The following TRIM28 variants were observed in gnomAD, a reference collection of about 807,000 sequenced individuals.
The protein encoded by TRIM28 is tripartite motif containing 28.
Under a neutral mutation model 87.4 loss-of-function variants are expected in TRIM28, and 8 were observed. The ratio of observed to expected loss-of-function variants is 0.09; its 90% CI spans 0.05 to 0.17. TRIM28 has a LOEUF of 0.17. Ranked by LOEUF, TRIM28 falls within the 10% of genes least tolerant of loss-of-function variation. The probability of loss-of-function intolerance (pLI) is 1.00; values close to 1 mark genes in which losing one functional copy is unlikely to be tolerated. For synonymous variants in TRIM28, 601 were observed against 454.3 expected, an observed-to-expected ratio of 1.32 and a Z score of -4.11; for missense variants, 968 against 1,131.8, an observed-to-expected ratio of 0.86 and a Z score of 2.08.
intron 1 of TRIM28, 97 bp from the exon 2 acceptor site, chr19:58,545,328 C>A: frequency 9.5e-7 from 1 of 1,055,038 alleles, no homozygotes; most frequent in Non-Finnish European, 1.4e-6. Flanking sequence ...TGGTTCGCTG[C>A]GGGATAATGG....
At chr19:58,550,317 G>A (rs777428708) in intron 16 of TRIM28, 33 bp downstream of exon 16, 2 of 1,613,640 alleles carry the variant, frequency 1.2e-6, no homozygotes, top group East Asian at 2.2e-5. Context: ...CTGTGGGCAG[G>A]GGGAGATGTG....
At chr19:58,545,210 A>C (rs929492093) in intron 1 of TRIM28, 113 bp downstream of exon 1, 14 of 1,050,056 alleles carry the variant, frequency 1.3e-5, no homozygotes, top group Non-Finnish European at 1.9e-5. Flanking sequence ...CGGACAGGGC[A>C]CGGGAAATAC....
chr19:58,549,627 G>C lies in TRIM28; in HGVS notation c.1959G>C (p.Leu653=), dbSNP rs1600083685. 8.1e-6 allele frequency: 13 copies of C among 1,613,078 alleles called. No homozygotes were observed. The highest frequency in any genetic ancestry group is 1.0e-5 in the Non-Finnish European group (12 of 1,179,208). The change falls in exon 13 of 17, where the codon CTG becomes CTC. Residue 653 remains leucine, a synonymous_variant. Coordinates refer to ENST00000253024, the MANE Select transcript of TRIM28 (RefSeq NM_005762.3). The surrounding 1 kb of genome is among the most constrained non-coding windows in gnomAD (Gnocchi z 4.4). ...TTTGTTTCCACCTGGACTGTCACCT[G>C]CCGGCCCTGCAGGATGTACCAGGGT... ...CEFCFHLDCH[L]PALQDVPGEE... is the part of the protein sequence containing the mutation.
In TRIM28 at chr19:58,547,801, G is replaced by C. The variant is rs543150564; in HGVS notation, c.849G>C (p.Gln283His). ...CTGCTGTGTCCCCTAGAATCCGCCAGGTGTCTGACGTACAGAAGCGTGTGC... is the reference window on the plus strand; with the variant it reads ...CTGCTGTGTCCCCTAGAATCCGCCACGTGTCTGACGTACAGAAGCGTGTGC... ...STKEVRSSIR[Q>H]VSDVQKRVQV... The change falls in exon 6 of 17, where the codon CAG (glutamine) becomes CAC (histidine). Residue 283 changes from glutamine to histidine, a missense_variant. Coordinates refer to ENST00000253024, the MANE Select transcript of TRIM28 (RefSeq NM_005762.3). 1.9e-6 allele frequency: 3 copies of C among 1,614,154 alleles called. No homozygotes were observed. The highest frequency in any genetic ancestry group is 1.7e-6 in the Non-Finnish European group (2 of 1,180,034).
chr19:58,547,407 T>C lies in TRIM28; in HGVS notation c.618T>C (p.Thr206=), dbSNP rs527654129. 1 of 1,614,050 alleles carries C rather than the reference T, an allele frequency of 6.2e-7. No individual in the cohort carries two copies. Among genetic ancestry groups the C allele is most frequent in the South Asian group, 1.1e-5 (1 of 91,078 alleles). ...GPAKSRDGER[T]VYCNVHKHEP... ...CCAAGTCTCGGGATGGTGAACGTACTGTCTATTGCAACGTACACAAGCATG... is the reference window on the plus strand; with the variant it reads ...CCAAGTCTCGGGATGGTGAACGTACCGTCTATTGCAACGTACACAAGCATG... Residue 206 remains threonine (T), a synonymous_variant, in exon 4 of 17, where the codon ACT becomes ACC. Transcript: ENST00000253024.
chr19:58,548,162 T>C lies in TRIM28; in HGVS notation c.1083T>C (p.Leu361=), dbSNP rs1600082046. 1 of 1,614,128 alleles carries C rather than the reference T, an allele frequency of 6.2e-7. No homozygotes were observed. The highest frequency in any genetic ancestry group is 1.1e-5 in the South Asian group (1 of 91,080). The part of the protein sequence containing the change: ...WALESDNNTA[L]LLSKKLIYFQ... ...TGGAGAGTGACAACAACACAGCCCTTTTGCTTTCTAAGAAGTTGGTGTGTA... is the reference window on the plus strand; with the variant it reads ...TGGAGAGTGACAACAACACAGCCCTCTTGCTTTCTAAGAAGTTGGTGTGTA... The change falls in exon 7 of 17, where the codon CTT becomes CTC. Residue 361 remains leucine, a synonymous_variant. Coordinates refer to ENST00000253024, the MANE Select transcript of TRIM28 (RefSeq NM_005762.3).
rs2053746515 is a variant in TRIM28 at position 58,544,914 on chromosome 19, G to A, written c.157G>A (p.Gly53Arg). The A allele has an allele frequency of 2.2e-6, 3 of 1,393,434 alleles. No individual in the cohort carries two copies. The highest frequency in any genetic ancestry group is 2.8e-6 in the Non-Finnish European group (3 of 1,082,284). The allele number at this position is 1,393,434 out of a possible 1,614,324, so 86.3% of individuals were successfully genotyped here. The change falls in exon 1 of 17, where the codon GGG becomes AGG. Residue 53 changes from glycine (G) to arginine (R), a missense_variant. Physicochemically the swap from Gly to Arg is moderately radical, Grantham distance 125. Transcript: ENST00000253024. ...CTCAGCCGCGGCGTCGTCGCCCGCG[G>A]GGGGCGGCGCCGAGGCGCTGGAGCT... ...SASAAASSPA[G>R]GGAEALELLE...
In TRIM28 at chr19:58,545,183, G is replaced by A. The variant is rs2053749989; in HGVS notation, c.340+86G>A. ...GTGCAGAGATGAGGATGCCACCTGG[G>A]CGAGAGGATGGGGGCCCGGACAGGG... On this transcript the variant is annotated intron_variant, in intron 1 of 16. Coordinates refer to ENST00000253024, the MANE Select transcript of TRIM28 (RefSeq NM_005762.3). 3.2e-6 allele frequency: 4 copies of A among 1,257,116 alleles called. No homozygotes were observed. In the Admixed American group the frequency reaches 9.6e-5, roughly 30 times the overall value. 77.9% of individuals were successfully genotyped at this position (1,257,116 alleles called of 1,614,324 possible). A position where few individuals can be genotyped will look rare whatever the true frequency, so the allele number is the denominator to read the frequency against.
Position 58,550,665 on chromosome 19 carries a change from C to G in TRIM28, c.*112C>G, listed in dbSNP as rs913039397. 1 of 1,078,270 alleles carries G rather than the reference C, an allele frequency of 9.3e-7. No individual in the cohort carries two copies. Among genetic ancestry groups the G allele is most frequent in the Non-Finnish European group, 1.3e-6 (1 of 765,852 alleles). The allele number at this position is 1,078,270 out of a possible 1,614,324, so 66.8% of individuals were successfully genotyped here. A position where few individuals can be genotyped will look rare whatever the true frequency, so the allele number is the denominator to read the frequency against. ...TCCCTGGTGGCCCCATCCCCCAGTT[C>G]CTCACGATATGGTTTTTACTTCTGT... On this transcript the variant is annotated 3_prime_UTR_variant, in exon 17 of 17. Coordinates refer to ENST00000253024, the MANE Select transcript of TRIM28 (RefSeq NM_005762.3).
rs950915241 is a variant in TRIM28, at chr19:58,550,497, C to G, written c.2452C>G (p.Pro818Ala). The change falls in exon 17 of 17, where the codon CCT becomes GCT. Residue 818 changes from proline to alanine, a missense_variant. By Grantham distance (27) the Pro-to-Ala change is conservative (BLOSUM62 -1). Coordinates refer to ENST00000253024, the MANE Select transcript of TRIM28 (RefSeq NM_005762.3). Reference sequence around the variant, plus strand: ...GGTGGAGCCCCCGCCGATGAGCCTGCCTGGTGCTGGCCTGAGTTCCCAGGA... The same window carrying G: ...GGTGGAGCCCCCGCCGATGAGCCTGGCTGGTGCTGGCCTGAGTTCCCAGGA... ...VLVEPPPMSL[P>A]GAGLSSQELS... 1 of 1,612,862 alleles carries G rather than the reference C, an allele frequency of 6.2e-7. No homozygotes were observed. Among genetic ancestry groups the G allele is most frequent in the African/African-American group, 1.3e-5 (1 of 74,996 alleles).
rs2053755045 is a variant in TRIM28 at position 58,545,641 on chromosome 19, T to C, written c.453+104T>C. The C allele has an allele frequency of 1.7e-5, 25 of 1,511,222 alleles. No homozygotes were observed. In the South Asian group the frequency reaches 2.9e-4, roughly 17 times the overall value. The allele number at this position is 1,511,222 out of a possible 1,614,324, so 93.6% of individuals were successfully genotyped here. ...GGCTGTTACTCCACTTTCCCAAGGC[T>C]CTGGGTGGGCTGCCTAGGTTGGGTC... is the stretch of plus-strand genomic sequence containing the variant. On this transcript the variant is annotated intron_variant, in intron 2 of 16. Transcript: ENST00000253024.
Position 58,550,654 on chromosome 19 carries a change from A to G in TRIM28, c.*101A>G, listed in dbSNP as rs2053809853. The G allele has an allele frequency of 8.4e-7, 1 of 1,196,450 alleles. No individual in the cohort carries two copies. Among genetic ancestry groups the G allele is most frequent in the African/African-American group, 1.5e-5 (1 of 65,378 alleles). The allele number at this position is 1,196,450 out of a possible 1,614,324, so 74.1% of individuals were successfully genotyped here. Reference sequence around the variant, plus strand: ...CTGACTCCCACTCCCTGGTGGCCCCATCCCCCAGTTCCTCACGATATGGTT... The same window carrying G: ...CTGACTCCCACTCCCTGGTGGCCCCGTCCCCCAGTTCCTCACGATATGGTT... On this transcript the variant is annotated 3_prime_UTR_variant, in exon 17 of 17. Transcript: ENST00000253024.
intron 3 of TRIM28, among the ~76,000 whole-genome samples, chr19:58,546,192 T>C (rs2053759736): frequency 6.6e-6 from 1 of 152,108 alleles, no homozygotes; most frequent in African/African-American, 2.4e-5. Context: ...GGTGAAGGGC[T>C]CAGCATATGC....
Position 58,545,900 on chromosome 19 carries a change from C to CAA in TRIM28, c.586+5_586+6insAA, listed in dbSNP as rs759730215. The CAA allele has an allele frequency of 1.9e-6, 3 of 1,584,546 alleles. 1 individual carries two copies. The South Asian group carries it at 3.3e-5, about 18-fold the overall frequency. On this transcript the variant is annotated splice_donor_region_variant and intron_variant, in intron 3 of 16. Coordinates refer to ENST00000253024, the MANE Select transcript of TRIM28 (RefSeq NM_005762.3). ...GACCATACTGTGCGCTCTACTGGTACATGAGGCTGAGGGGGGCTGTTGGAG... is the reference window on the plus strand; with the variant it reads ...GACCATACTGTGCGCTCTACTGGTACAAATGAGGCTGAGGGGGGCTGTTGGAG...
Position 58,549,364 on chromosome 19 carries a change from CCTA to C in TRIM28, c.1699_1701del (p.Thr567del), listed in dbSNP as rs751856450. The C allele has an allele frequency of 6.4e-7, 1 of 1,570,638 alleles. No homozygotes were observed. Among genetic ancestry groups the C allele is most frequent in the Non-Finnish European group, 8.7e-7 (1 of 1,155,278 alleles). On this transcript the variant is annotated inframe_deletion, in exon 13 of 17. Coordinates refer to ENST00000253024, the MANE Select transcript of TRIM28 (RefSeq NM_005762.3). This position sits in a 1 kb window ranked among gnomAD's most constrained non-coding sequence, Gnocchi z 4.4. ...GACGGAGGCTGCCATTGGAGCCCCT[CCTA>C]CTGCCACTGAGGGCCCTGAGACCAA... is the stretch of plus-strand genomic sequence containing the variant.
At position 58,549,479 on chromosome 19, in the gene TRIM28, A is replaced by AGGT; in HGVS notation, c.1817_1819dup (p.Val606dup). On this transcript the variant is annotated inframe_insertion, in exon 13 of 17. Coordinates refer to ENST00000253024, the MANE Select transcript of TRIM28 (RefSeq NM_005762.3). This position sits in a 1 kb window ranked among gnomAD's most constrained non-coding sequence, Gnocchi z 4.4. ...AGTGGCAGCACCAGCTCAGGGCTGG[A>AGGT]GGTGGTGGCTCCTGAGGGTACCTCA... 1 of 1,613,540 alleles carries AGGT rather than the reference A, an allele frequency of 6.2e-7. No homozygotes were observed. Among genetic ancestry groups the AGGT allele is most frequent in the Non-Finnish European group, 8.5e-7 (1 of 1,179,782 alleles).
chr19:58,545,997 T>C, intron 3 of TRIM28, 101 bp downstream of exon 3: 2 of 1,422,408 alleles, frequency 1.4e-6, no homozygotes, highest in Non-Finnish European at 9.3e-7. Context: ...CCTAGAGTTC[T>C]CTAGGGGGTG....
rs997219366 is a variant in TRIM28, at chr19:58,545,274, T to G, written c.341-151T>G. ...TTGTGCTGGCCGCTGAGATGGGACA[T>G]CTGACTAAAGTTGGAGAAAAGAAGG... On this transcript the variant is annotated intron_variant, in intron 1 of 16. Transcript: ENST00000253024. 132 of 886,264 alleles carry G rather than the reference T, an allele frequency of 1.5e-4. 1 individual carries two copies. The highest frequency in any genetic ancestry group is 6.6e-4 in the South Asian group (39 of 59,220). 54.9% of individuals were successfully genotyped at this position (886,264 alleles called of 1,614,324 possible). A position where few individuals can be genotyped will look rare whatever the true frequency, so the allele number is the denominator to read the frequency against.
rs1479568927 is a variant in TRIM28, at chr19:58,548,989, T to C, written c.1411T>C (p.Ser471Pro). 6.2e-7 allele frequency: 1 copy of C among 1,613,920 alleles called. No homozygotes were observed. The highest frequency in any genetic ancestry group is 8.5e-7 in the Non-Finnish European group (1 of 1,179,932). ...AEPHVSGVKR[S>P]RSGEGEVSGL... ...CATGCCAGGTTGCTGCATCTACAGG[T>C]CCCGCTCAGGTGAGGGCGAGGTGAG... is the stretch of plus-strand genomic sequence containing the variant. The change falls in exon 12 of 17, where the codon TCC becomes CCC. Residue 471 changes from serine (S) to proline (P), a missense_variant and splice_region_variant. Ser to Pro is a moderately conservative substitution (Grantham distance 74, BLOSUM62 -1). Coordinates refer to ENST00000253024, the MANE Select transcript of TRIM28 (RefSeq NM_005762.3).
Sources: allele counts gnomAD v4.1 joint callset (sites outside exome capture counted in the v4.1 genomes callset), GRCh38; gene constraint gnomAD v4.1.1; non-coding constraint Gnocchi (gnomAD v3.1); transcripts MANE v1.5; gene names NCBI Gene and HGNC (gene_info 2026-07-23, HGNC 2026-07-21).